The following LRMDA variants were observed in gnomAD, a reference collection of about 807,000 sequenced individuals.
LRMDA encodes the protein leucine-rich melanocyte differentiation-associated protein.
A neutral mutation model predicts 29.8 loss-of-function variants in LRMDA; 18 were observed. The observed-to-expected ratio is 0.60, with a 90% confidence interval of 0.42 to 0.90. The LOEUF is 0.90. LRMDA is among the 40% of genes least tolerant of loss of function. The pLI, the probability that LRMDA is intolerant of heterozygous loss-of-function variation, is 0.00. For missense variants in LRMDA, 273 were observed against 273.9 expected (o/e 1.00, Z 0.02); for synonymous variants, 125 against 109.4 (o/e 1.14, Z -0.89).
rs1349850632 is a variant in LRMDA, at chr10:75,691,153, TAC to T, written c.131+252661_131+252662del. ...AGATATATAGATCTATATATCTATA[TAC>T]ATAGATATATAGATCTATATATCTA... is the stretch of plus-strand genomic sequence containing the variant. On this transcript the variant is annotated intron_variant, in intron 2 of 6. Transcript: ENST00000611255. 3.5e-5 allele frequency among the ~76,000 whole-genome samples: 4 copies of T among 112,724 alleles called. 1 individual carries two copies. The highest frequency in any genetic ancestry group is 1.7e-4 in the African/African-American group (4 of 23,362). The allele number at this position is 112,724 out of a possible 152,430, so 74.0% of individuals were successfully genotyped here.
chr10:75,844,911 T>A (rs568844388), intron 2 of LRMDA, among the ~76,000 whole-genome samples: 45 of 152,264 alleles, frequency 3.0e-4, no homozygotes, highest in African/African-American at 1.0e-3. Context: ...GAGCTGTATG[T>A]TTAAAGGGGT....
At chr10:76,292,909 A>G (rs78568555) in intron 5 of LRMDA, among the ~76,000 whole-genome samples, 70 of 152,304 alleles carry the variant, frequency 4.6e-4, no homozygotes, top group African/African-American at 1.6e-3. Flanking sequence ...AATGTCAGAA[A>G]CCAAATAACT....
intron 5 of LRMDA, among the ~76,000 whole-genome samples, chr10:76,081,663 C>T (rs568688132): frequency 6.6e-6 from 1 of 152,166 alleles, no homozygotes; most frequent in African/African-American, 2.4e-5. Context: ...GTATTCTGCT[C>T]TTCTGGATCT....
At chr10:76,295,858 C>T (rs1218660228) in intron 5 of LRMDA, among the ~76,000 whole-genome samples, 1 of 152,162 alleles carries the variant, frequency 6.6e-6, no homozygotes, top group African/African-American at 2.4e-5. Flanking sequence ...TTCCTAAAGT[C>T]ACCTCTTTGC....
At chr10:75,808,949 C>G (rs535679741) in intron 2 of LRMDA, among the ~76,000 whole-genome samples, 8 of 152,206 alleles carry the variant, frequency 5.3e-5, no homozygotes, top group African/African-American at 1.9e-4. Context: ...TGCACAGAAG[C>G]CCCTGGGCCA....
chr10:76,390,714 C>T (rs1054871001), intron 6 of LRMDA, among the ~76,000 whole-genome samples: 12 of 151,946 alleles, frequency 7.9e-5, no homozygotes, highest in Non-Finnish European at 7.4e-5. Flanking sequence ...ATAATGAATG[C>T]TGGGTACAGT....
intron 2 of LRMDA, among the ~76,000 whole-genome samples, chr10:76,025,275 G>A (rs1391153000): frequency 1.4e-5 from 2 of 147,626 alleles, no homozygotes; most frequent in Non-Finnish European, 1.5e-5. Context: ...CATGGAGGCT[G>A]TCCTTCATCT....
chr10:75,530,235 T>C (rs1377482363), intron 2 of LRMDA, among the ~76,000 whole-genome samples: 3 of 152,082 alleles, frequency 2.0e-5, no homozygotes, highest in Non-Finnish European at 4.4e-5. Context: ...AGTTTATATT[T>C]CTCAAATTTC....
chr10:75,944,770 G>A (rs889562822), intron 2 of LRMDA, among the ~76,000 whole-genome samples: 4 of 148,388 alleles, frequency 2.7e-5, no homozygotes, highest in Non-Finnish European at 4.5e-5. Context: ...AAATATATAT[G>A]TATATTTTAT....
At chr10:76,429,023 T>TACACACACACACACAC (rs140684832) in intron 6 of LRMDA, among the ~76,000 whole-genome samples, 50 of 149,846 alleles carry the variant, frequency 3.3e-4, no homozygotes, top group Non-Finnish European at 6.1e-4. Flanking sequence ...CTGCCAATTA[T>TACACACACACACACAC]ACACACACAC....
At chr10:75,432,027 G>C (rs1436659976) in intron 1 of LRMDA, among the ~76,000 whole-genome samples, 2 of 152,222 alleles carry the variant, frequency 1.3e-5, no homozygotes, top group African/African-American at 2.4e-5. Flanking sequence ...CACTGAGCAG[G>C]CCCAGCGGAC....
At chr10:76,315,802 C>T (rs1840689377) in intron 5 of LRMDA, among the ~76,000 whole-genome samples, 1 of 152,108 alleles carries the variant, frequency 6.6e-6, no homozygotes, top group Admixed American at 6.5e-5. Context: ...GGTGGAGTCC[C>T]CCTCCTGGAG....
rs542410690 is a variant in LRMDA, at chr10:76,060,377, AC to A, written c.516+1600del. 7.1e-4 allele frequency among the ~76,000 whole-genome samples: 108 copies of A among 151,754 alleles called. 1 individual carries two copies. The highest frequency in any genetic ancestry group is 3.5e-3 in the Admixed American group (53 of 15,256). The stretch of plus-strand genomic sequence containing the variant: ...TGGATGGGGCACTCAGTGCATGCCC[AC>A]CCCCCATTCTTCTAAGGTTCTTGGT... On this transcript the variant is annotated intron_variant, in intron 5 of 6. Coordinates refer to ENST00000611255, the MANE Select transcript of LRMDA (RefSeq NM_001305581.2).
intron 2 of LRMDA, among the ~76,000 whole-genome samples, chr10:75,879,965 G>A (rs1440852818): frequency 2.6e-5 from 4 of 152,102 alleles, no homozygotes; most frequent in Non-Finnish European, 5.9e-5. Context: ...TTCTACACAT[G>A]TGATCCTTAA....
intron 5 of LRMDA, among the ~76,000 whole-genome samples, chr10:76,115,535 G>A (rs188562661): frequency 2.0e-5 from 3 of 152,324 alleles, no homozygotes; most frequent in South Asian, 2.1e-4. Flanking sequence ...CCTTAGAGGC[G>A]GATGAGATGG....
intron 2 of LRMDA, among the ~76,000 whole-genome samples, chr10:75,971,565 A>G (rs1310756372): frequency 6.6e-6 from 1 of 152,232 alleles, no homozygotes; most frequent in Non-Finnish European, 1.5e-5. Context: ...TCAATCAGCA[A>G]TTCAGTGTAG....
intron 6 of LRMDA, among the ~76,000 whole-genome samples, chr10:76,488,095 T>G (rs1217808695): frequency 6.6e-6 from 1 of 151,848 alleles, no homozygotes; most frequent in Non-Finnish European, 1.5e-5. Context: ...CAAGACCAGT[T>G]TTCTAAACTT....
chr10:76,136,121 C>G (rs888577189), intron 5 of LRMDA, among the ~76,000 whole-genome samples: 1 of 152,162 alleles, frequency 6.6e-6, no homozygotes, highest in Non-Finnish European at 1.5e-5. Flanking sequence ...TAATCTTGAA[C>G]TTCCTTGGAA....
intron 2 of LRMDA, among the ~76,000 whole-genome samples, chr10:75,676,581 A>G (rs1274715310): frequency 6.6e-6 from 1 of 152,148 alleles, no homozygotes; most frequent in East Asian, 1.9e-4. Flanking sequence ...TGGGGTTGCC[A>G]TGGAATTCCT....
Sources: allele counts gnomAD v4.1 joint callset (sites outside exome capture counted in the v4.1 genomes callset), GRCh38; gene constraint gnomAD v4.1.1; transcripts MANE v1.5; gene names NCBI Gene and HGNC (gene_info 2026-07-23, HGNC 2026-07-21).